Variants in EYS observed in about 807,000 individuals in gnomAD.
EYS encodes EGF-like photoreceptor maintenance factor.
A neutral mutation model predicts 282.1 loss-of-function variants in EYS; 250 were observed. The observed-to-expected ratio is 0.89, with a 90% confidence interval of 0.80 to 0.98. The LOEUF (loss-of-function observed/expected upper bound fraction) is 0.98, where lower values mean the gene tolerates loss of function less well. Ranked by LOEUF, EYS falls within the 50% of genes least tolerant of loss-of-function variation. The pLI is 0.00. For missense variants in EYS, 4,016 were observed against 3,709.0 expected (o/e 1.08, Z -2.15); for synonymous variants, 1,355 against 1,282.9 (o/e 1.06, Z -1.20).
At chr6:64,546,256 A>C (rs1452149848) in intron 26 of EYS, among the ~76,000 whole-genome samples, 1 of 152,214 alleles carries the variant, frequency 6.6e-6, no homozygotes, top group Non-Finnish European at 1.5e-5. Flanking sequence ...AACCTGACAA[A>C]AACAAGAAAT....
intron 14 of EYS, among the ~76,000 whole-genome samples, chr6:64,980,038 A>C (rs1331732839): frequency 6.6e-6 from 1 of 151,530 alleles, no homozygotes; most frequent in African/African-American, 2.4e-5. Flanking sequence ...CTTCCAGTAA[A>C]ATAAGTGACA....
intron 7 of EYS, among the ~76,000 whole-genome samples, chr6:65,386,258 T>C (rs903231031): frequency 1.3e-5 from 2 of 151,450 alleles, no homozygotes; most frequent in African/African-American, 4.8e-5. Context: ...CTATCTGCAA[T>C]GTGTGGCTCA....
At chr6:64,023,227 C>T (rs1221129714) in intron 33 of EYS, among the ~76,000 whole-genome samples, 1 of 152,234 alleles carries the variant, frequency 6.6e-6, no homozygotes, top group Admixed American at 6.5e-5. Flanking sequence ...TCATTGTATG[C>T]ATATAGCTTA....
At chr6:65,188,247 T>G (rs1765559170) in intron 12 of EYS, among the ~76,000 whole-genome samples, 1 of 151,668 alleles carries the variant, frequency 6.6e-6, no homozygotes, top group Non-Finnish European at 1.5e-5. Context: ...GATAATTGTC[T>G]TGACTAGGAA....
chr6:65,600,587 T>A (rs1457392601), intron 2 of EYS, among the ~76,000 whole-genome samples: 1 of 152,028 alleles, frequency 6.6e-6, no homozygotes, highest in African/African-American at 2.4e-5. Context: ...AAGCATAATG[T>A]CCCCTCGTGA....
intron 19 of EYS, among the ~76,000 whole-genome samples, chr6:64,867,131 G>A (rs1766447175): frequency 6.6e-6 from 1 of 151,634 alleles, no homozygotes; most frequent in African/African-American, 2.4e-5. Context: ...TTAATTTGAG[G>A]CATAAAAATA....
intron 36 of EYS, among the ~76,000 whole-genome samples, chr6:63,830,189 G>C (rs1771589356): frequency 6.6e-6 from 1 of 152,206 alleles, no homozygotes; most frequent in Non-Finnish European, 1.5e-5. Flanking sequence ...CTCTTCACCA[G>C]CAACTGAACA....
intron 35 of EYS, among the ~76,000 whole-genome samples, chr6:63,951,921 T>C (rs1450631927): frequency 2.0e-5 from 3 of 152,140 alleles, no homozygotes; most frequent in African/African-American, 7.2e-5. Flanking sequence ...GCCATTTTAT[T>C]CTCAATATGC....
chr6:65,694,143 C>T (rs12204750), intron 1 of EYS, among the ~76,000 whole-genome samples: 56,550 of 149,604 alleles, frequency 0.38, 14,388 homozygotes, highest in Non-Finnish European at 0.52. Flanking sequence ...ATCCCAGCTA[C>T]GCTACTCAGG....
intron 34 of EYS, among the ~76,000 whole-genome samples, chr6:63,987,233 T>G (rs1452342690): frequency 6.6e-6 from 1 of 151,672 alleles, no homozygotes; most frequent in Non-Finnish European, 1.5e-5. Context: ...AGCTTGCTGT[T>G]TTTTCAGTGT....
In EYS at chr6:65,337,312, G is replaced by C. The variant is rs997086765; in HGVS notation, c.1600-2166C>G. Among the ~76,000 whole-genome samples, 5 of 151,488 alleles carry C rather than the reference G, an allele frequency of 3.3e-5. No homozygotes were observed. The South Asian group carries it at 8.3e-4, about 25-fold the overall frequency. ...ACAACTGAAGCTATAAGTTTTCTCTGTGTCTGTATGTCTATGTGTTTGTAA... is the reference window on the plus strand; with the variant it reads ...ACAACTGAAGCTATAAGTTTTCTCTCTGTCTGTATGTCTATGTGTTTGTAA... On this transcript the variant is annotated intron_variant, in intron 10 of 42. Coordinates refer to ENST00000503581, the MANE Select transcript of EYS (RefSeq NM_001142800.2).
chr6:65,089,982 T>TACACACAC (rs113762450), intron 12 of EYS, among the ~76,000 whole-genome samples: 2,145 of 141,274 alleles, frequency 0.015, 24 homozygotes, highest in African/African-American at 0.025. Context: ...TATAAATAAA[T>TACACACAC]ACACACACAC....
chr6:65,362,763 A>C (rs1451374226), intron 8 of EYS, among the ~76,000 whole-genome samples: 3 of 152,014 alleles, frequency 2.0e-5, no homozygotes, highest in Non-Finnish European at 4.4e-5. Flanking sequence ...CACTGTAGAC[A>C]AAGTGTAATA....
chr6:65,012,109 T>C (rs1306789505), intron 13 of EYS, among the ~76,000 whole-genome samples: 1 of 152,226 alleles, frequency 6.6e-6, no homozygotes, highest in African/African-American at 2.4e-5. Flanking sequence ...AAGAACATTG[T>C]AATAAACATC....
chr6:64,336,880 G>A (rs755194266), intron 29 of EYS, among the ~76,000 whole-genome samples: 1 of 152,050 alleles, frequency 6.6e-6, no homozygotes, highest in Non-Finnish European at 1.5e-5. Context: ...ATGAACACTG[G>A]GTCAAAAACG....
intron 40 of EYS, 149 bp from the exon 41 acceptor site, chr6:63,762,782 A>G (rs1769678709): frequency 4.1e-6 from 3 of 731,104 alleles, no homozygotes; most frequent in Non-Finnish European, 6.5e-6. Flanking sequence ...TGTCAAAGGA[A>G]AGAGTTAATA....
chr6:64,342,857 G>T (rs1480802658), intron 29 of EYS, among the ~76,000 whole-genome samples: 2 of 152,088 alleles, frequency 1.3e-5, no homozygotes, highest in Non-Finnish European at 2.9e-5. Flanking sequence ...AGGGATGGAG[G>T]AAGATCTACC....
intron 2 of EYS, among the ~76,000 whole-genome samples, chr6:65,553,685 C>T (rs1424341387): frequency 6.6e-6 from 1 of 151,692 alleles, no homozygotes; most frequent in Non-Finnish European, 1.5e-5. Flanking sequence ...ATCTCTAAAA[C>T]ACCTTAATAA....
chr6:64,925,246 A>G (rs187823295), intron 15 of EYS, among the ~76,000 whole-genome samples: 8 of 152,298 alleles, frequency 5.3e-5, no homozygotes, highest in African/African-American at 1.9e-4. Flanking sequence ...CTTAATCACT[A>G]TCACAAGAAT....
Sources: allele counts gnomAD v4.1 joint callset (sites outside exome capture counted in the v4.1 genomes callset), GRCh38; gene constraint gnomAD v4.1.1; transcripts MANE v1.5; gene names NCBI Gene and HGNC (gene_info 2026-07-23, HGNC 2026-07-21).